Variants in KCTD1 observed in about 807,000 individuals in gnomAD.
KCTD1 encodes BTB/POZ domain-containing protein KCTD1.
In KCTD1, 24 loss-of-function variants were observed where a neutral mutation model predicts 66.0. That is an observed-to-expected ratio of 0.36 (90% CI 0.26 to 0.51). The LOEUF is 0.51. Ranked by LOEUF, KCTD1 falls within the 20% of genes least tolerant of loss-of-function variation. The pLI, the probability that KCTD1 is intolerant of heterozygous loss-of-function variation, is 0.95. For synonymous variants in KCTD1, 511 were observed against 517.2 expected, an observed-to-expected ratio of 0.99 and a Z score of 0.16; for missense variants, 943 against 1,205.2, an observed-to-expected ratio of 0.78 and a Z score of 3.22.
chr18:26,604,302 A>T (rs1986963949), intron 1 of KCTD1, among the ~76,000 whole-genome samples: 1 of 152,230 alleles, frequency 6.6e-6, no homozygotes, highest in Non-Finnish European at 1.5e-5. Flanking sequence ...AAACACTTAC[A>T]TACTGGTGAG....
intron 2 of KCTD1, 52 bp downstream of exon 2, chr18:26,501,020 G>T: frequency 6.3e-7 from 1 of 1,583,914 alleles, no homozygotes; most frequent in Non-Finnish European, 8.6e-7. Flanking sequence ...AGGAAAAACA[G>T]GTTACCAAAT....
upstream of KCTD1, chr18:26,549,954 TC>T: frequency 4.1e-6 from 1 of 243,990 alleles, no homozygotes; most frequent in Non-Finnish European, 6.6e-6. Context: ...AGGGGCAGCT[TC>T]CCAGAGCCGC....
chr18:26,622,705 A>T (rs1024383951), intron 1 of KCTD1, among the ~76,000 whole-genome samples: 1 of 152,096 alleles, frequency 6.6e-6, no homozygotes, highest in Non-Finnish European at 1.5e-5. Context: ...TGGGAAGATG[A>T]CATTTAAGTT....
At chr18:26,532,340 G>GCT (rs770797208) in intron 1 of KCTD1, among the ~76,000 whole-genome samples, 42 of 140,292 alleles carry the variant, frequency 3.0e-4, no homozygotes, top group Non-Finnish European at 5.2e-4. Context: ...CACAATCATA[G>GCT]CTCACTGCAG....
At chr18:26,545,332 T>C (rs999386674) in intron 1 of KCTD1, 19 of 152,224 alleles carry the variant, frequency 1.2e-4, no homozygotes, top group African/African-American at 4.3e-4. Context: ...CTCTCCATTC[T>C]TAAAATTCAC....
At chr18:26,558,295 C>T (rs1567993664) in intron 1 of KCTD1, among the ~76,000 whole-genome samples, 1 of 152,182 alleles carries the variant, frequency 6.6e-6, no homozygotes, top group Non-Finnish European at 1.5e-5. Context: ...ACCCAAAAGA[C>T]AGGCAATAAC....
chr18:26,464,471 T>C (rs530624668), intron 3 of KCTD1, among the ~76,000 whole-genome samples: 1 of 152,378 alleles, frequency 6.6e-6, no homozygotes, highest in Admixed American at 6.5e-5. Context: ...CCCTTTGCCA[T>C]GCAAAGCATT....
intron 2 of KCTD1, among the ~76,000 whole-genome samples, chr18:26,480,759 T>C (rs1317772646): frequency 5.3e-5 from 8 of 152,084 alleles, no homozygotes. Context: ...AGAGCGAGAC[T>C]TTGTCTTAAA....
At chr18:26,549,571 T>G (rs1319707821), upstream of KCTD1, 2 of 542,794 alleles carry the variant, frequency 3.7e-6, no homozygotes, top group Non-Finnish European at 4.6e-6. Context: ...TCCCTGCCCC[T>G]GAGCAAAGTG....
At chr18:26,649,305 A>G (rs1987984288) in intron 1 of KCTD1, among the ~76,000 whole-genome samples, 1 of 152,192 alleles carries the variant, frequency 6.6e-6, no homozygotes, top group African/African-American at 2.4e-5. Flanking sequence ...ATTTGATTAA[A>G]TAAACAGGAA....
chr18:26,548,614 A>C, upstream of KCTD1: 1 of 1,169,448 alleles, frequency 8.6e-7, no homozygotes, highest in Non-Finnish European at 1.1e-6. Flanking sequence ...TTTGTGTTTA[A>C]TGACCTTCAG....
intron 1 of KCTD1, among the ~76,000 whole-genome samples, chr18:26,638,416 C>A (rs1461551397): frequency 6.6e-6 from 1 of 152,206 alleles, no homozygotes; most frequent in Non-Finnish European, 1.5e-5. Context: ...CATTTTTTAA[C>A]CTCAGCATTT....
intron 2 of KCTD1, among the ~76,000 whole-genome samples, chr18:26,499,821 T>A (rs75697302): frequency 6.6e-6 from 1 of 152,146 alleles, no homozygotes; most frequent in South Asian, 2.1e-4. Flanking sequence ...AACAGAGAAA[T>A]GCCCTGTTTC....
intron 1 of KCTD1, among the ~76,000 whole-genome samples, chr18:26,517,082 G>A (rs1273982103): frequency 2.6e-5 from 4 of 152,176 alleles, no homozygotes; most frequent in African/African-American, 9.7e-5. Context: ...GGGGAGCTAG[G>A]CAGCCTGTGC....
At chr18:26,638,509 G>T (rs925987576) in intron 1 of KCTD1, among the ~76,000 whole-genome samples, 1 of 152,234 alleles carries the variant, frequency 6.6e-6, no homozygotes, top group African/African-American at 2.4e-5. Context: ...CCCCATTTTG[G>T]GGTCAGTTGT....
intron 1 of KCTD1, among the ~76,000 whole-genome samples, chr18:26,510,295 G>A (rs528044399): frequency 5.4e-4 from 82 of 152,320 alleles, no homozygotes; most frequent in Non-Finnish European, 7.1e-4. Flanking sequence ...GTAGGTTCAC[G>A]AAATGGCACT....
chr18:26,611,364 GTT>G (rs1337866634), intron 1 of KCTD1, among the ~76,000 whole-genome samples: 2 of 133,984 alleles, frequency 1.5e-5, no homozygotes, highest in Non-Finnish European at 1.6e-5. Flanking sequence ...TTGTTTGTTT[GTT>G]TTGAGATGGA....
intron 1 of KCTD1, among the ~76,000 whole-genome samples, chr18:26,525,790 T>C (rs1368094920): frequency 9.2e-5 from 14 of 152,204 alleles, no homozygotes. Flanking sequence ...GACATGATCA[T>C]AGCTCACTGT....
intron 1 of KCTD1, among the ~76,000 whole-genome samples, chr18:26,603,551 G>C (rs900059279): frequency 2.0e-5 from 3 of 151,832 alleles, no homozygotes; most frequent in African/African-American, 4.8e-5. Context: ...GACCAGCCTG[G>C]CCAATATATG....
Sources: gnomAD v4.1 joint callset for allele counts (sites outside exome capture counted in the v4.1 genomes callset) on GRCh38, gnomAD v4.1.1 for gene constraint, MANE v1.5 for transcripts, NCBI Gene and HGNC (gene_info 2026-07-23, HGNC 2026-07-21) for gene names.